GLIS3: variants seen among roughly 807,000 people sequenced by gnomAD.
The protein encoded by GLIS3 is zinc finger protein GLIS3.
Under a neutral mutation model 78.6 loss-of-function variants are expected in GLIS3, and 53 were observed. The ratio of observed to expected loss-of-function variants is 0.67; its 90% confidence interval spans 0.54 to 0.85. The LOEUF (loss-of-function observed/expected upper bound fraction) is 0.85. Ranked by LOEUF, GLIS3 falls within the 40% of genes least tolerant of loss-of-function variation. The probability of loss-of-function intolerance (pLI) is 0.00; values close to 1 mark genes in which losing one functional copy is unlikely to be tolerated. For missense variants in GLIS3, 1,703 were observed against 1,231.1 expected (o/e 1.38, Z -5.74); for synonymous variants, 684 against 509.9 (o/e 1.34, Z -4.60).
rs1008608139 is a variant in GLIS3, at chr9:4,332,437, G to C, written n.264+14644C>G. Among the ~76,000 whole-genome samples the C allele has an allele frequency of 2.6e-5, 4 of 152,170 alleles. No homozygotes were observed. In the East Asian group the frequency reaches 7.7e-4, roughly 29 times the overall value. On this transcript the variant is annotated intron_variant and non_coding_transcript_variant, in intron 2 of 4. Transcript: ENST00000471664. ...CCCTGCCTTCCTTATAGCTGAGTAT[G>C]GCCACGTGACTAAGTTCCAGTACAC... is the stretch of plus-strand genomic sequence containing the variant.
At chr9:4,345,121 C>T (rs4740771) in intron 2 of GLIS3, among the ~76,000 whole-genome samples, 147,443 of 152,230 alleles carry the variant, frequency 0.97, 71,557 homozygotes, top group East Asian at 1. Flanking sequence ...CCCCTCAGAG[C>T]AAAAGCCTGA....
At chr9:4,482,935 G>T in the GLIS3 span, among the ~76,000 whole-genome samples, 1 of 152,202 alleles carries the variant, frequency 6.6e-6, no homozygotes, top group Non-Finnish European at 1.5e-5. Context: ...GAAAAAAAGA[G>T]AGAAGCTAAC....
intron 3 of GLIS3, among the ~76,000 whole-genome samples, chr9:4,309,904 C>G (rs921536994): frequency 1.3e-5 from 2 of 152,010 alleles, no homozygotes; most frequent in Non-Finnish European, 2.9e-5. Context: ...ATTTGGCGGC[C>G]AAAAGATTTC....
chr9:4,264,595 T>C (rs1278373861), intron 2 of GLIS3, among the ~76,000 whole-genome samples: 1 of 151,298 alleles, frequency 6.6e-6, no homozygotes, highest in Admixed American at 6.6e-5. Flanking sequence ...CTTGCTTTTT[T>C]TCTCTTCTGG....
At chr9:4,412,164 T>G in the GLIS3 span, among the ~76,000 whole-genome samples, 1 of 152,174 alleles carries the variant, frequency 6.6e-6, no homozygotes, top group Non-Finnish European at 1.5e-5. Context: ...GTGGCACTCT[T>G]CCAAGAAGGC....
At chr9:4,361,893 T>C in the GLIS3 span, among the ~76,000 whole-genome samples, 3 of 152,210 alleles carry the variant, frequency 2.0e-5, no homozygotes, top group Non-Finnish European at 4.4e-5. Context: ...TTGAAGTTTG[T>C]ATGTTGTTTT....
chr9:3,983,873 GA>G (rs1819513810), intron 4 of GLIS3, among the ~76,000 whole-genome samples: 1 of 152,214 alleles, frequency 6.6e-6, no homozygotes, highest in Non-Finnish European at 1.5e-5. Flanking sequence ...AAATGCGATA[GA>G]AAAGAAAATC....
intron 4 of GLIS3, among the ~76,000 whole-genome samples, chr9:3,979,621 C>T (rs1193921701): frequency 2.0e-5 from 3 of 152,088 alleles, no homozygotes; most frequent in African/African-American, 7.2e-5. Context: ...AGGGCCTTTC[C>T]CTGTGTCCCC....
upstream of GLIS3, among the ~76,000 whole-genome samples, chr9:4,301,509 C>G (rs1250115747): frequency 6.6e-6 from 1 of 152,192 alleles, no homozygotes; most frequent in African/African-American, 2.4e-5. Context: ...AAAACTCTTC[C>G]TCATTAACTC....
intron 2 of GLIS3, among the ~76,000 whole-genome samples, chr9:4,321,461 A>AAAT (rs1810067813): frequency 1.4e-5 from 2 of 140,918 alleles, no homozygotes; most frequent in African/African-American, 5.4e-5. Flanking sequence ...AAAAAAAAAA[A>AAAT]AATCAGGTGC....
rs1053508970 is a variant in GLIS3, at chr9:4,342,015, T to G, written n.264+5066A>C. ...GGATATTAGACCTTTGTTGGATGCA[T>G]ACTTTGCAAATATTTTCTCCCATTC... On this transcript the variant is annotated intron_variant and non_coding_transcript_variant, in intron 2 of 4. Coordinates refer to the GLIS3 transcript ENST00000471664. Among the ~76,000 whole-genome samples the G allele has an allele frequency of 2.6e-5, 4 of 152,340 alleles. No individual in the cohort carries two copies. The South Asian group carries it at 8.3e-4, about 32-fold the overall frequency.
At chr9:4,392,406 A>G in the GLIS3 span, among the ~76,000 whole-genome samples, 1 of 152,190 alleles carries the variant, frequency 6.6e-6, no homozygotes. Flanking sequence ...ATAAAATTAC[A>G]TTTAAAAAAT....
intron 2 of GLIS3, among the ~76,000 whole-genome samples, chr9:4,223,753 T>C (rs773148893): frequency 6.6e-6 from 1 of 152,178 alleles, no homozygotes; most frequent in Non-Finnish European, 1.5e-5. Flanking sequence ...TGGATTTTTC[T>C]ATTTGCTTAA....
chr9:4,445,681 C>A, the GLIS3 span, among the ~76,000 whole-genome samples: 4 of 152,092 alleles, frequency 2.6e-5, no homozygotes, highest in African/African-American at 9.7e-5. Context: ...GATTTAAGGG[C>A]TGAGAAAACT....
chr9:4,274,938 G>C lies in GLIS3; in HGVS notation c.388+11100C>G, dbSNP rs891967335. On this transcript the variant is annotated intron_variant, in intron 2 of 10. Transcript: ENST00000381971. ...TACACCACAAGTTGCATTTTGTAATGTGTTTATTATGTCAGATCCAATTAC... is the reference window on the plus strand; with the variant it reads ...TACACCACAAGTTGCATTTTGTAATCTGTTTATTATGTCAGATCCAATTAC... Among the ~76,000 whole-genome samples the C allele has an allele frequency of 3.3e-5, 5 of 152,178 alleles. No homozygotes were observed. In the East Asian group the frequency reaches 9.6e-4, roughly 29 times the overall value.
intron 2 of GLIS3, among the ~76,000 whole-genome samples, chr9:4,266,601 C>T (rs1228132821): frequency 1.2e-5 from 1 of 83,996 alleles, no homozygotes; most frequent in Non-Finnish European, 2.4e-5. Flanking sequence ...CGTGTACACA[C>T]ACACACACAC....
At chr9:4,013,341 C>A (rs899971674) in intron 4 of GLIS3, among the ~76,000 whole-genome samples, 4 of 152,084 alleles carry the variant, frequency 2.6e-5, no homozygotes, top group Non-Finnish European at 4.4e-5. Flanking sequence ...TGTATATTTT[C>A]TTTTTTAAAG....
rs557216801 is a variant in GLIS3, at chr9:4,318,350, G to C, written n.265-7822C>G. 5.3e-5 allele frequency among the ~76,000 whole-genome samples: 8 copies of C among 152,284 alleles called. No individual in the cohort carries two copies. The South Asian group carries it at 1.4e-3, about 28-fold the overall frequency. ...ATCTCAGTAGTCGTGAGCACACCTA[G>C]GGCCCAGAGTTTCGTTTCTGAATAC... On this transcript the variant is annotated intron_variant and non_coding_transcript_variant, in intron 2 of 4. Transcript: ENST00000471664.
At position 4,039,989 on chromosome 9, in the gene GLIS3, T is replaced by G. The variant is rs114154076; in HGVS notation, c.1710+77779A>C. 8.1e-3 allele frequency among the ~76,000 whole-genome samples: 1,229 copies of G among 152,218 alleles called. 21 individuals carry two copies. The highest frequency in any genetic ancestry group is 0.028 in the African/African-American group (1,165 of 41,520). ...AAACTGTTTGGGAAGATTTGAGTCT[T>G]AAGAGGAGAGCCAAGAGAAGTCCTA... is the stretch of plus-strand genomic sequence containing the variant. On this transcript the variant is annotated intron_variant, in intron 4 of 10. Coordinates refer to ENST00000381971, the MANE Select transcript of GLIS3 (RefSeq NM_001042413.2).
Sources: gnomAD v4.1 joint callset for allele counts (sites outside exome capture counted in the v4.1 genomes callset) on GRCh38, gnomAD v4.1.1 for gene constraint, MANE v1.5 for transcripts, NCBI Gene and HGNC (gene_info 2026-07-23, HGNC 2026-07-21) for gene names.